The following INSL6 variants were observed in gnomAD, a reference collection of about 807,000 sequenced individuals.
INSL6 encodes insulin like 6, also known as insulin-like peptide INSL6.
INSL6 carries 16 observed loss-of-function variants against 9.4 expected under a neutral mutation model. The ratio of observed to expected loss-of-function variants is 1.70; its 90% confidence interval spans 1.15 to 2.59. The LOEUF is 2.59. Ranked by LOEUF, INSL6 falls within the 30% of genes most tolerant of loss-of-function variation. The pLI is 0.00. For missense variants in INSL6, 391 were observed against 257.3 expected (o/e 1.52, Z -3.56); for synonymous variants, 154 against 96.9 (o/e 1.59, Z -3.46).
chr9:5,042,804 G>C, the INSL6 span, among the ~76,000 whole-genome samples: 2 of 152,196 alleles, frequency 1.3e-5, no homozygotes, highest in African/African-American at 4.8e-5. Context: ...GGAACGGAGG[G>C]GTGGGGCCGC....
intron 1 of INSL6, among the ~76,000 whole-genome samples, chr9:5,166,337 T>G (rs1367784732): frequency 1.3e-5 from 2 of 152,200 alleles, no homozygotes; most frequent in Non-Finnish European, 2.9e-5. Flanking sequence ...TGAGGTTATT[T>G]AGGTGAATCT....
chr9:5,124,121 A>G (rs891237076), exon 4 of INSL6, among the ~76,000 whole-genome samples: 3 of 151,892 alleles, frequency 2.0e-5, no homozygotes, highest in African/African-American at 7.2e-5. Context: ...TCCTTGTCAG[A>G]TACAAAGTTT....
chr9:5,113,068 C>T, the INSL6 span, among the ~76,000 whole-genome samples: 1 of 152,062 alleles, frequency 6.6e-6, no homozygotes, highest in South Asian at 2.1e-4. Context: ...TCCCTGGGAC[C>T]CCGGCTCACC....
chr9:5,021,686 G>T, the INSL6 span, among the ~76,000 whole-genome samples: 1 of 152,090 alleles, frequency 6.6e-6, no homozygotes, highest in African/African-American at 2.4e-5. Flanking sequence ...GAGTGCGGTG[G>T]AGTGCGGAGG....
At chr9:5,146,948 G>A (rs1023039335) in intron 2 of INSL6, among the ~76,000 whole-genome samples, 1 of 152,120 alleles carries the variant, frequency 6.6e-6, no homozygotes, top group Non-Finnish European at 1.5e-5. Context: ...GGGGCCCCAG[G>A]AAAGGCCAAC....
downstream of INSL6, chr9:5,123,213 T>C (rs1229744947): frequency 6.8e-5 from 51 of 748,900 alleles, no homozygotes; most frequent in East Asian, 1.3e-3. Flanking sequence ...GCTACATGCA[T>C]ACATTGCATA....
chr9:5,150,976 A>G (rs2130894870), intron 2 of INSL6, among the ~76,000 whole-genome samples: 1 of 152,304 alleles, frequency 6.6e-6, no homozygotes, highest in East Asian at 1.9e-4. Flanking sequence ...AATAACTAAG[A>G]AACAGAAAGT....
the INSL6 span, among the ~76,000 whole-genome samples, chr9:4,992,229 A>G: frequency 4.6e-5 from 7 of 152,162 alleles, no homozygotes; most frequent in Non-Finnish European, 8.8e-5. Context: ...GAGCATGTAC[A>G]TGTGGCCTGG....
chr9:5,171,397 T>C (rs1249836370), intron 1 of INSL6, among the ~76,000 whole-genome samples: 2 of 152,172 alleles, frequency 1.3e-5, no homozygotes, highest in Non-Finnish European at 2.9e-5. Flanking sequence ...TGGGTAAAGC[T>C]GGATTCATTC....
At chr9:5,165,925 C>A (rs2209949) in intron 1 of INSL6, among the ~76,000 whole-genome samples, 2,646 of 152,298 alleles carry the variant, frequency 0.017, 58 homozygotes, top group African/African-American at 0.061. Flanking sequence ...CCATGTGACT[C>A]CACCCTCTAG....
At chr9:5,179,033 C>T (rs535171860) in intron 1 of INSL6, among the ~76,000 whole-genome samples, 5 of 140,088 alleles carry the variant, frequency 3.6e-5, no homozygotes, top group African/African-American at 2.9e-5. Flanking sequence ...AACTAAAGGG[C>T]TTCTGCACAG....
the INSL6 span, among the ~76,000 whole-genome samples, chr9:5,007,702 A>AATT: frequency 6.6e-6 from 1 of 151,296 alleles, no homozygotes; most frequent in East Asian, 1.9e-4. Context: ...TAATAATGAG[A>AATT]ATTATTATTA....
chr9:5,144,833 A>G (rs144001660), intron 2 of INSL6, among the ~76,000 whole-genome samples: 8 of 152,242 alleles, frequency 5.3e-5, no homozygotes, highest in African/African-American at 1.9e-4. Context: ...ATTTTTCTCC[A>G]TACCTTTATT....
the INSL6 span, among the ~76,000 whole-genome samples, chr9:5,104,367 G>T: frequency 2.0e-5 from 3 of 152,172 alleles, no homozygotes; most frequent in East Asian, 5.8e-4. Flanking sequence ...AAACCAGGAA[G>T]AAGTTGAATC....
At chr9:5,082,462 T>C in the INSL6 span, among the ~76,000 whole-genome samples, 1 of 152,256 alleles carries the variant, frequency 6.6e-6, no homozygotes, top group Non-Finnish European at 1.5e-5. Context: ...AGGGCAGTTT[T>C]TCTCCTATCT....
the INSL6 span, chr9:5,085,353 G>T: frequency 1.1e-6 from 1 of 892,590 alleles, no homozygotes; most frequent in Non-Finnish European, 1.9e-6. Flanking sequence ...CATTTTTTCC[G>T]TACTGATAGG....
At chr9:5,180,974 C>G (rs1304080709) in intron 1 of INSL6, among the ~76,000 whole-genome samples, 1 of 152,164 alleles carries the variant, frequency 6.6e-6, no homozygotes, top group Admixed American at 6.5e-5. Flanking sequence ...GTTTGAGGCT[C>G]AGGCCAGCAT....
chr9:5,112,672 C>A, the INSL6 span: 4 of 946,248 alleles, frequency 4.2e-6, no homozygotes, highest in Non-Finnish European at 4.4e-6. Flanking sequence ...TGCACCAGGC[C>A]GTCTCGGTCA....
the INSL6 span, among the ~76,000 whole-genome samples, chr9:5,078,659 TA>T: frequency 6.6e-6 from 1 of 152,304 alleles, no homozygotes; most frequent in East Asian, 1.9e-4. Flanking sequence ...GGTGATTTTT[TA>T]AAAACAGTTT....
Sources: allele counts gnomAD v4.1 joint callset (sites outside exome capture counted in the v4.1 genomes callset), GRCh38; gene constraint gnomAD v4.1.1; transcripts MANE v1.5; gene names NCBI Gene and HGNC (gene_info 2026-07-23, HGNC 2026-07-21).